ATP6V0A1: variants seen among roughly 807,000 people sequenced by gnomAD.
The protein encoded by ATP6V0A1 is ATPase H+ transporting V0 subunit a1.
A neutral mutation model predicts 105.4 loss-of-function variants in ATP6V0A1; 43 were observed. That is an observed-to-expected ratio of 0.41 (90% confidence interval 0.32 to 0.53). The LOEUF (loss-of-function observed/expected upper bound fraction) is 0.53, where lower values mean the gene tolerates loss of function less well. ATP6V0A1 is among the 20% of genes least tolerant of loss of function. The pLI, the probability that ATP6V0A1 is intolerant of heterozygous loss-of-function variation, is 0.30. For missense variants in ATP6V0A1, 676 were observed against 1,051.1 expected (o/e 0.64, Z 4.93); for synonymous variants, 362 against 372.8 (o/e 0.97, Z 0.33).
chr17:42,462,316 C>T (rs532260948), intron 2 of ATP6V0A1, among the ~76,000 whole-genome samples: 16 of 152,124 alleles, frequency 1.1e-4, no homozygotes, highest in South Asian at 2.1e-4. Flanking sequence ...ATTGAAACCT[C>T]TGTTTCTCTT....
chr17:42,466,633 A>G, intron 3 of ATP6V0A1, 126 bp downstream of exon 3: 4 of 783,338 alleles, frequency 5.1e-6, no homozygotes, highest in Non-Finnish European at 8.1e-6. Flanking sequence ...TGCAGTTAAG[A>G]TGCCAAGGTG....
intron 11 of ATP6V0A1, among the ~76,000 whole-genome samples, chr17:42,492,561 C>T (rs1376133835): frequency 6.6e-6 from 1 of 151,014 alleles, no homozygotes; most frequent in East Asian, 2.0e-4. Flanking sequence ...ACAAAATCAG[C>T]CAGGCATGGT....
intron 17 of ATP6V0A1, 25 bp downstream of exon 17, chr17:42,501,329 G>T (rs765909246): frequency 6.4e-7 from 1 of 1,566,516 alleles, no homozygotes. Flanking sequence ...ATTGCTAAAA[G>T]TTACTAGACT....
chr17:42,493,290 T>C (rs566214825), intron 11 of ATP6V0A1, among the ~76,000 whole-genome samples: 1 of 152,284 alleles, frequency 6.6e-6, no homozygotes, highest in South Asian at 2.1e-4. Flanking sequence ...TCATTTTCAG[T>C]TGGAGCCCTA....
chr17:42,487,740 T>TAATAA (rs2090249787), intron 10 of ATP6V0A1, among the ~76,000 whole-genome samples: 2 of 151,582 alleles, frequency 1.3e-5, no homozygotes, highest in Non-Finnish European at 2.9e-5. Context: ...AAAAAAAAAA[T>TAATAA]AATAATAAAA....
At chr17:42,489,718 G>A (rs2090453819) in intron 10 of ATP6V0A1, among the ~76,000 whole-genome samples, 1 of 152,118 alleles carries the variant, frequency 6.6e-6, no homozygotes, top group Admixed American at 6.6e-5. Context: ...TTATTGATTG[G>A]GGAGAGATGG....
intron 7 of ATP6V0A1, 131 bp from the exon 8 acceptor site, chr17:42,480,536 G>A: frequency 1.4e-6 from 1 of 728,884 alleles, no homozygotes; most frequent in Non-Finnish European, 2.2e-6. Flanking sequence ...GAGGGCAGTG[G>A]TTAAAATGCA....
rs2092831798 is a variant in ATP6V0A1 at position 42,521,525 on chromosome 17, C to CA, written c.*405_*406insA. 6.4e-6 allele frequency: 1 copy of CA among 155,878 alleles called. No individual in the cohort carries two copies. Among genetic ancestry groups the CA allele is most frequent in the Non-Finnish European group, 1.4e-5 (1 of 70,526 alleles). The allele number at this position is 155,878 out of a possible 1,614,324, so 9.7% of individuals were successfully genotyped here. On this transcript the variant is annotated 3_prime_UTR_variant, in exon 22 of 22. Transcript: ENST00000343619. The surrounding 1 kb of genome is among the most constrained non-coding windows in gnomAD (Gnocchi z 4.8). ...TTCCCTGCATCTGCCACCGTAGTTTCTAGCAGGAGTAGTGGGGGGAGTAAT... is the reference window on the plus strand; with the variant it reads ...TTCCCTGCATCTGCCACCGTAGTTTCATAGCAGGAGTAGTGGGGGGAGTAAT...
In ATP6V0A1 at chr17:42,462,179, C is replaced by T. The variant is rs556237531; in HGVS notation, c.117+1168C>T. ...GTAGTGAGCTGTGATTATGCCACTGCACTCCAGCCTGGGTGACAGAGCATG... is the reference window on the plus strand; with the variant it reads ...GTAGTGAGCTGTGATTATGCCACTGTACTCCAGCCTGGGTGACAGAGCATG... On this transcript the variant is annotated intron_variant, in intron 2 of 21. Coordinates refer to ENST00000343619, the MANE Select transcript of ATP6V0A1 (RefSeq NM_001130021.3). 3.0e-4 allele frequency among the ~76,000 whole-genome samples: 45 copies of T among 150,466 alleles called. No individual in the cohort carries two copies. The South Asian group carries it at 4.8e-3, about 16-fold the overall frequency.
At chr17:42,499,432 C>T (rs1260604889) in intron 15 of ATP6V0A1, among the ~76,000 whole-genome samples, 1 of 151,812 alleles carries the variant, frequency 6.6e-6, no homozygotes, top group Non-Finnish European at 1.5e-5. Context: ...GATGGCACCA[C>T]TGCACTCCAG....
At chr17:42,507,303 G>A in intron 17 of ATP6V0A1, 1 of 494,184 alleles carries the variant, frequency 2.0e-6, no homozygotes, top group South Asian at 2.2e-5. Flanking sequence ...CTGAAGCAGG[G>A]TAAGGTGGTA....
At chr17:42,481,340 C>T (rs1467401879) in intron 8 of ATP6V0A1, 3 of 151,552 alleles carry the variant, frequency 2.0e-5, no homozygotes, top group Non-Finnish European at 2.9e-5. Context: ...TCCAGCCACC[C>T]GAGTAGTTGG....
chr17:42,520,119 C>G (rs902851796), intron 21 of ATP6V0A1: 2 of 245,908 alleles, frequency 8.1e-6, no homozygotes, highest in Admixed American at 5.0e-5. Flanking sequence ...TGCCCCAGCC[C>G]CCACGCCTGC....
chr17:42,504,706 A>C (rs1035832597), intron 17 of ATP6V0A1, among the ~76,000 whole-genome samples: 4 of 152,214 alleles, frequency 2.6e-5, no homozygotes, highest in African/African-American at 9.7e-5. Flanking sequence ...AAAGTGGCCC[A>C]TAATTTCATG....
intron 4 of ATP6V0A1, among the ~76,000 whole-genome samples, chr17:42,468,335 T>C (rs2087388912): frequency 6.6e-6 from 1 of 152,212 alleles, no homozygotes; most frequent in Non-Finnish European, 1.5e-5. Context: ...GTCAGGGTAT[T>C]TGGAGTATCC....
intron 10 of ATP6V0A1, among the ~76,000 whole-genome samples, chr17:42,488,013 A>C (rs922497170): frequency 1.3e-5 from 2 of 152,200 alleles, no homozygotes; most frequent in African/African-American, 4.8e-5. Context: ...CCCTCTCTGT[A>C]TATGACTGTT....
At chr17:42,491,487 T>A (rs531609136) in intron 11 of ATP6V0A1, among the ~76,000 whole-genome samples, 65 of 151,872 alleles carry the variant, frequency 4.3e-4, no homozygotes, top group African/African-American at 1.3e-3. Flanking sequence ...ATTTTTTTTT[T>A]ATTTTTTTTA....
intron 17 of ATP6V0A1, among the ~76,000 whole-genome samples, chr17:42,503,602 T>C (rs895099352): frequency 6.6e-6 from 1 of 152,244 alleles, no homozygotes; most frequent in African/African-American, 2.4e-5. Context: ...CCTAATATAT[T>C]CTAAGTTATG....
At chr17:42,476,107 T>C (rs2088698324) in intron 5 of ATP6V0A1, among the ~76,000 whole-genome samples, 1 of 152,200 alleles carries the variant, frequency 6.6e-6, no homozygotes, top group African/African-American at 2.4e-5. Flanking sequence ...AAGTTGCTTG[T>C]AGTCAGCTGA....
Sources: allele counts gnomAD v4.1 joint callset (sites outside exome capture counted in the v4.1 genomes callset), GRCh38; gene constraint gnomAD v4.1.1; non-coding constraint Gnocchi (gnomAD v3.1); transcripts MANE v1.5; gene names NCBI Gene and HGNC (gene_info 2026-07-23, HGNC 2026-07-21).